NRG4: variants seen among roughly 807,000 people sequenced by gnomAD.
NRG4 encodes the protein neuregulin 4.
Under a neutral mutation model 15.0 loss-of-function variants are expected in NRG4, and 10 were observed. The ratio of observed to expected loss-of-function variants is 0.67; its 90% CI spans 0.41 to 1.13. NRG4 has a LOEUF of 1.13. NRG4 is among the 50% of genes most tolerant of loss of function. The pLI is 0.00. For missense variants in NRG4, 139 were observed against 140.2 expected, an observed-to-expected ratio of 0.99 and a Z score of 0.04; for synonymous variants, 41 against 50.1, an observed-to-expected ratio of 0.82 and a Z score of 0.77.
Position 75,979,323 on chromosome 15 carries a change from A to G in NRG4, c.105-17349T>C, listed in dbSNP as rs536683165. Among the ~76,000 whole-genome samples, 22 of 152,288 alleles carry G rather than the reference A, an allele frequency of 1.4e-4. No homozygotes were observed. The South Asian group carries it at 4.6e-3, about 32-fold the overall frequency. On this transcript the variant is annotated intron_variant, in intron 3 of 5. Coordinates refer to ENST00000394907, the MANE Select transcript of NRG4 (RefSeq NM_138573.4). Reference sequence around the variant, plus strand: ...CAGCTAATAGCATTTGCCTGTGGTTATATCAGCAAAACTCTTTATACTGTT... The same window carrying G: ...CAGCTAATAGCATTTGCCTGTGGTTGTATCAGCAAAACTCTTTATACTGTT...
intron 2 of NRG4, among the ~76,000 whole-genome samples, chr15:76,054,382 C>A (rs1055408119): frequency 6.6e-6 from 1 of 151,974 alleles, no homozygotes; most frequent in South Asian, 2.1e-4. Flanking sequence ...TGAGTCACTG[C>A]ACCCAGCCAG....
intron 3 of NRG4, among the ~76,000 whole-genome samples, chr15:75,970,622 T>C (rs985506659): frequency 5.9e-5 from 9 of 152,236 alleles, no homozygotes; most frequent in Non-Finnish European, 1.2e-4. Context: ...ATTATTCCAA[T>C]GGTAATTCTT....
downstream of NRG4, chr15:75,940,159 G>A (rs2030793800): frequency 6.8e-6 from 1 of 147,576 alleles, no homozygotes; most frequent in African/African-American, 2.5e-5. Flanking sequence ...AGGATACAAA[G>A]TCAACCCACA....
intron 3 of NRG4, among the ~76,000 whole-genome samples, chr15:75,983,778 T>C (rs953357588): frequency 1.3e-5 from 2 of 152,086 alleles, no homozygotes; most frequent in African/African-American, 4.8e-5. Flanking sequence ...AGAATAAATT[T>C]AAGAAATATG....
intron 3 of NRG4, among the ~76,000 whole-genome samples, chr15:75,966,837 C>T (rs898906364): frequency 1.3e-5 from 2 of 152,140 alleles, no homozygotes; most frequent in African/African-American, 2.4e-5. Flanking sequence ...AATAAGTCAG[C>T]TGGGCGCGGT....
chr15:75,969,316 G>A, intron 3 of NRG4: 1 of 428,760 alleles, frequency 2.3e-6, no homozygotes, highest in Non-Finnish European at 4.8e-6. Context: ...TCTTACTGAT[G>A]ACATAATGGA....
At chr15:76,050,736 G>A (rs1270248130) in intron 4 of NRG4, among the ~76,000 whole-genome samples, 1 of 147,914 alleles carries the variant, frequency 6.8e-6, no homozygotes, top group East Asian at 1.9e-4. Context: ...AAGCCACCGT[G>A]CCCAGCCGAG....
intron 3 of NRG4, among the ~76,000 whole-genome samples, chr15:75,964,992 G>A (rs2032727834): frequency 1.3e-5 from 2 of 152,150 alleles, no homozygotes; most frequent in Non-Finnish European, 2.9e-5. Context: ...TTGGGAGGCC[G>A]AGGCGGGTGG....
At chr15:76,031,347 C>T (rs1347594838) in intron 5 of NRG4, among the ~76,000 whole-genome samples, 2 of 152,150 alleles carry the variant, frequency 1.3e-5, no homozygotes, top group Non-Finnish European at 2.9e-5. Flanking sequence ...CACCACTATA[C>T]TGGAGGTCTT....
intron 3 of NRG4, among the ~76,000 whole-genome samples, chr15:75,998,974 T>G (rs2034307947): frequency 6.6e-6 from 1 of 152,184 alleles, no homozygotes; most frequent in Non-Finnish European, 1.5e-5. Context: ...CCGCAAAAAC[T>G]AGACTTACCA....
At chr15:76,055,714 C>A (rs2036136284) in intron 2 of NRG4, among the ~76,000 whole-genome samples, 2 of 152,122 alleles carry the variant, frequency 1.3e-5, no homozygotes, top group Non-Finnish European at 2.9e-5. Context: ...TAAAACTTAA[C>A]AGAGACTACA....
chr15:75,984,597 C>A (rs551931555), intron 3 of NRG4, among the ~76,000 whole-genome samples: 2 of 152,014 alleles, frequency 1.3e-5, no homozygotes, highest in Non-Finnish European at 2.9e-5. Context: ...TAAGAACACA[C>A]GGACACAGGC....
intron 5 of NRG4, chr15:75,950,941 C>T (rs150890148): frequency 1.8e-4 from 36 of 202,058 alleles, no homozygotes; most frequent in African/African-American, 8.1e-4. Context: ...AAGATCATCA[C>T]CATGCCAAGA....
At chr15:75,962,801 T>C (rs2032596507) in intron 3 of NRG4, among the ~76,000 whole-genome samples, 1 of 152,174 alleles carries the variant, frequency 6.6e-6, no homozygotes, top group South Asian at 2.1e-4. Context: ...CATAGTAGCA[T>C]TTAAAATAAA....
intron 3 of NRG4, among the ~76,000 whole-genome samples, chr15:75,990,462 G>A (rs909291605): frequency 6.6e-6 from 1 of 152,046 alleles, no homozygotes; most frequent in African/African-American, 2.4e-5. Context: ...TCACTGTCCC[G>A]TACTGCCTGT....
At chr15:76,045,892 A>G (rs1596059807) in intron 4 of NRG4, among the ~76,000 whole-genome samples, 2 of 151,108 alleles carry the variant, frequency 1.3e-5, no homozygotes, top group South Asian at 2.1e-4. Flanking sequence ...TGACTACAGT[A>G]AAAAATAATG....
At chr15:76,055,877 G>A (rs1281727999) in intron 2 of NRG4, among the ~76,000 whole-genome samples, 2 of 152,196 alleles carry the variant, frequency 1.3e-5, no homozygotes, top group East Asian at 1.9e-4. Context: ...TACAGATAAT[G>A]AGAATTACTA....
chr15:75,985,988 A>G (rs1157161242), intron 3 of NRG4, among the ~76,000 whole-genome samples: 1 of 152,198 alleles, frequency 6.6e-6, no homozygotes, highest in East Asian at 1.9e-4. Context: ...TTAATAGAAC[A>G]ACTAGGGAAA....
chr15:75,961,108 C>T (rs2032494105), intron 4 of NRG4, among the ~76,000 whole-genome samples: 1 of 152,088 alleles, frequency 6.6e-6, no homozygotes, highest in Admixed American at 6.6e-5. Flanking sequence ...TCACAAGTAT[C>T]TATGATAGAA....
Sources: allele counts gnomAD v4.1 joint callset (sites outside exome capture counted in the v4.1 genomes callset), GRCh38; gene constraint gnomAD v4.1.1; transcripts MANE v1.5; gene names NCBI Gene and HGNC (gene_info 2026-07-23, HGNC 2026-07-21).